Variants in DNASE1 observed in about 807,000 individuals in gnomAD.
The protein encoded by DNASE1 is deoxyribonuclease 1, also known as deoxyribonuclease-1.
In DNASE1, 40 loss-of-function variants were observed where a neutral mutation model predicts 33.9. That is an observed-to-expected ratio of 1.18 (90% CI 0.92 to 1.54). DNASE1 has a LOEUF of 1.54. Ranked by LOEUF, DNASE1 falls within the 40% of genes most tolerant of loss-of-function variation. DNASE1 has a pLI of 0.00. For synonymous variants in DNASE1, 216 were observed against 160.0 expected (o/e 1.35, Z -2.64); for missense variants, 518 against 372.6 (o/e 1.39, Z -3.21).
At chr16:3,659,444 A>C (rs1213795030), downstream of DNASE1, 1 of 152,210 alleles carries the variant, frequency 6.6e-6, no homozygotes, top group Non-Finnish European at 1.5e-5. Context: ...GAAATGTTTC[A>C]TCATCTCAGA....
In DNASE1 at chr16:3,615,094, G is replaced by A. The variant is rs2041053302; in HGVS notation, c.-1359+3088G>A. On this transcript the variant is annotated intron_variant and NMD_transcript_variant, in intron 1 of 11. Coordinates refer to the DNASE1 transcript ENST00000570769. ...TTTTTTTTTTAATTGGAAAGGCTGG[G>A]ACACTACTCTTAGGCCTACTGAATA... 2.6e-5 allele frequency among the ~76,000 whole-genome samples: 4 copies of A among 151,896 alleles called. No homozygotes were observed. In the South Asian group the frequency reaches 8.3e-4, roughly 31 times the overall value.
intron 1 of DNASE1, among the ~76,000 whole-genome samples, chr16:3,624,331 G>A (rs2041429818): frequency 6.6e-6 from 1 of 151,058 alleles, no homozygotes; most frequent in Non-Finnish European, 1.5e-5. Context: ...TCTCTACTTT[G>A]AGATTATAAA....
chr16:3,623,596 C>T (rs748758928), intron 1 of DNASE1, among the ~76,000 whole-genome samples: 5 of 152,096 alleles, frequency 3.3e-5, no homozygotes, highest in Middle Eastern at 3.4e-3. Flanking sequence ...AGGACTAATA[C>T]GTAGTATCTC....
chr16:3,641,203 C>T (rs2042013685), upstream of DNASE1: 2 of 370,918 alleles, frequency 5.4e-6, no homozygotes, highest in Non-Finnish European at 9.6e-6. Context: ...CCATGTGGGC[C>T]ACAGGGGAGG....
chr16:3,658,147 C>T, downstream of DNASE1: 1 of 1,614,112 alleles, frequency 6.2e-7, no homozygotes, highest in Non-Finnish European at 8.5e-7. Flanking sequence ...GCTCCAGGGC[C>T]TTGACAAGCA....
chr16:3,652,230 A>C (rs376101387), upstream of DNASE1: 8 of 152,256 alleles, frequency 5.3e-5, no homozygotes, highest in East Asian at 1.5e-3. Flanking sequence ...CCAGAGGGGA[A>C]CCCTCGTCCC....
intron 6 of DNASE1, 26 bp from the exon 7 acceptor site, chr16:3,657,161 G>C (rs1262521797): frequency 1.9e-6 from 3 of 1,614,144 alleles, no homozygotes; most frequent in South Asian, 1.1e-5. Flanking sequence ...GCATGTCCCA[G>C]GGCCACAGGC....
At chr16:3,618,517 G>A (rs1474379546) in intron 1 of DNASE1, among the ~76,000 whole-genome samples, 2 of 152,186 alleles carry the variant, frequency 1.3e-5, no homozygotes, top group African/African-American at 2.4e-5. Flanking sequence ...ATTACCTCTG[G>A]TCAGGAGTTT....
downstream of DNASE1, chr16:3,662,030 C>G: frequency 6.2e-7 from 1 of 1,613,182 alleles, no homozygotes; most frequent in Non-Finnish European, 8.5e-7. Context: ...TGTGCGCGCT[C>G]CTCCTGGGTC....
intron 1 of DNASE1, among the ~76,000 whole-genome samples, chr16:3,635,457 C>CAAAAA (rs753495578): frequency 1.7e-5 from 1 of 59,686 alleles, no homozygotes; most frequent in African/African-American, 6.5e-5. Flanking sequence ...GACTCTGTCT[C>CAAAAA]AAAAAAAAAA....
chr16:3,637,747 CTG>C (rs1354149671), intron 1 of DNASE1, among the ~76,000 whole-genome samples: 1 of 152,164 alleles, frequency 6.6e-6, no homozygotes, highest in African/African-American at 2.4e-5. Context: ...CTGATCTTGA[CTG>C]TGAGAGTCTG....
chr16:3,632,295 C>T (rs1190534234), intron 1 of DNASE1, among the ~76,000 whole-genome samples: 6 of 152,216 alleles, frequency 3.9e-5, no homozygotes, highest in African/African-American at 1.2e-4. Flanking sequence ...GATCTGTCCA[C>T]TTTGATAGAT....
Position 3,648,414 on chromosome 16 carries a change from T to C in DNASE1, c.-86+5378T>C, listed in dbSNP as rs113930879. ...CGTCTCTACTAAAAATACAAAAAAT[T>C]AGCTGGGCGTGGTGGCGGGCGCCTG... On this transcript the variant is annotated intron_variant, in intron 1 of 9. Transcript: ENST00000407479. Among the ~76,000 whole-genome samples, 341 of 152,224 alleles carry C rather than the reference T, an allele frequency of 2.2e-3. 3 individuals are homozygous for C. Among genetic ancestry groups the C allele is most frequent in the Middle Eastern group, 6.8e-3 (2 of 294 alleles).
chr16:3,627,134 G>C (rs544216475), intron 1 of DNASE1, among the ~76,000 whole-genome samples: 1 of 151,792 alleles, frequency 6.6e-6, no homozygotes, highest in Non-Finnish European at 1.5e-5. Context: ...TGTTGGCCAA[G>C]TGCTGAGACT....
downstream of DNASE1, chr16:3,662,355 T>A: frequency 1.6e-6 from 1 of 616,858 alleles, no homozygotes; most frequent in Non-Finnish European, 2.8e-6. Context: ...ACCACCCTGG[T>A]GCCCCGCTGC....
At chr16:3,624,676 TTTTTC>T (rs1335140686) in intron 1 of DNASE1, among the ~76,000 whole-genome samples, 9 of 152,108 alleles carry the variant, frequency 5.9e-5, no homozygotes, top group Admixed American at 1.3e-4. Context: ...TTGCAATCAA[TTTTTC>T]TTTTCTTGTT....
intron 1 of DNASE1, among the ~76,000 whole-genome samples, chr16:3,631,978 T>C (rs1209322620): frequency 1.3e-5 from 2 of 152,268 alleles, no homozygotes; most frequent in African/African-American, 4.8e-5. Flanking sequence ...AGCAGCGTAA[T>C]TTCAGTAACA....
intron 1 of DNASE1, among the ~76,000 whole-genome samples, chr16:3,636,985 A>G (rs572183317): frequency 1.3e-5 from 2 of 152,128 alleles, no homozygotes; most frequent in African/African-American, 2.4e-5. Flanking sequence ...TTAGCTGGGC[A>G]TGGTGGCAGG....
At chr16:3,654,385 C>G (rs45522434), upstream of DNASE1, 1 of 398,754 alleles carries the variant, frequency 2.5e-6, no homozygotes, top group Non-Finnish European at 4.4e-6. Flanking sequence ...GTTGCCTGCA[C>G]CTGATGGCGA....
Sources: gnomAD v4.1 joint callset for allele counts (sites outside exome capture counted in the v4.1 genomes callset) on GRCh38, gnomAD v4.1.1 for gene constraint, MANE v1.5 for transcripts, NCBI Gene and HGNC (gene_info 2026-07-23, HGNC 2026-07-21) for gene names.